Variants in KIF26B observed in about 807,000 individuals in gnomAD.
KIF26B encodes kinesin family member 26B.
Under a neutral mutation model 151.2 loss-of-function variants are expected in KIF26B, and 63 were observed. The ratio of observed to expected loss-of-function variants is 0.42; its 90% CI spans 0.34 to 0.51. The LOEUF (loss-of-function observed/expected upper bound fraction) is 0.51, where lower values mean the gene tolerates loss of function less well. Ranked by LOEUF, KIF26B falls within the 20% of genes least tolerant of loss-of-function variation. The pLI is 0.07. For missense variants in KIF26B, 2,813 were observed against 2,913.6 expected (o/e 0.97, Z 0.79); for synonymous variants, 1,357 against 1,262.1 (o/e 1.08, Z -1.59).
intron 2 of KIF26B, among the ~76,000 whole-genome samples, chr1:245,230,768 G>T (rs1669980371): frequency 6.7e-6 from 1 of 149,844 alleles, no homozygotes; most frequent in Admixed American, 6.7e-5. Flanking sequence ...AAGAAAGAAA[G>T]GAAAAAGAAA....
At chr1:245,587,161 C>T (rs1386014503) in intron 5 of KIF26B, among the ~76,000 whole-genome samples, 1 of 152,178 alleles carries the variant, frequency 6.6e-6, no homozygotes, top group African/African-American at 2.4e-5. Context: ...ACCTAGAGCG[C>T]ACAGCTGACA....
chr1:245,246,349 T>G (rs1366399971), intron 2 of KIF26B, among the ~76,000 whole-genome samples: 1 of 152,200 alleles, frequency 6.6e-6, no homozygotes, highest in East Asian at 1.9e-4. Flanking sequence ...GCTGTTGTCT[T>G]CATCATCCTC....
At chr1:245,376,152 T>C (rs770815395) in intron 3 of KIF26B, among the ~76,000 whole-genome samples, 2 of 152,206 alleles carry the variant, frequency 1.3e-5, no homozygotes, top group Non-Finnish European at 2.9e-5. Context: ...AGTTCATCTT[T>C]GCTAGAGGCC....
chr1:245,387,181 T>TTTA (rs1673571513), intron 3 of KIF26B, among the ~76,000 whole-genome samples: 6 of 151,176 alleles, frequency 4.0e-5, no homozygotes, highest in South Asian at 2.1e-4. Context: ...TTTTGTTTTT[T>TTTA]GAGATGGAGT....
intron 4 of KIF26B, among the ~76,000 whole-genome samples, chr1:245,469,940 G>C (rs976820716): frequency 6.6e-6 from 1 of 151,996 alleles, no homozygotes; most frequent in East Asian, 1.9e-4. Context: ...AGTGGTACTG[G>C]AAGGGAATTC....
chr1:245,337,876 C>T (rs1171652649), intron 2 of KIF26B, among the ~76,000 whole-genome samples: 1 of 152,194 alleles, frequency 6.6e-6, no homozygotes, highest in Non-Finnish European at 1.5e-5. Context: ...TCACCCTTCG[C>T]AGCCAGGTCT....
chr1:245,686,236 C>T lies in KIF26B; in HGVS notation c.3253C>T (p.Pro1085Ser). The T allele has an allele frequency of 3.1e-6, 5 of 1,612,808 alleles. No homozygotes were observed. Among genetic ancestry groups the T allele is most frequent in the Non-Finnish European group, 4.2e-6 (5 of 1,179,896 alleles). Residue 1085 changes from proline to serine, a missense_variant, in exon 12 of 15, where the codon CCT (proline) becomes TCT (serine). By Grantham distance (74) the Pro-to-Ser change is moderately conservative. Coordinates refer to ENST00000407071, the MANE Select transcript of KIF26B (RefSeq NM_018012.4). The surrounding 1 kb of genome is among the most constrained non-coding windows in gnomAD (Gnocchi z 5.6). ...KTSEYKPPSS[P>S]SQRCKVYTQK... ...CTCGGAGTACAAGCCACCCAGCTCT[C>T]CTTCCCAGAGATGCAAAGTCTACAC...
chr1:245,218,355 G>A lies in KIF26B; in HGVS notation c.465+61672G>A, dbSNP rs566893175. 6.8e-6 allele frequency among the ~76,000 whole-genome samples: 1 copy of A among 147,618 alleles called. No individual in the cohort carries two copies. Among genetic ancestry groups the A allele is most frequent in the Non-Finnish European group, 1.5e-5 (1 of 67,310 alleles). ...TAGCAGCAGTTGTCACTCTGAGGGA[G>A]GGAAGGGGAAGGGAGGGCTCAGGTG... is the stretch of plus-strand genomic sequence containing the variant. On this transcript the variant is annotated intron_variant, in intron 2 of 14. Coordinates refer to ENST00000407071, the MANE Select transcript of KIF26B (RefSeq NM_018012.4). The surrounding 1 kb of genome is among the most constrained non-coding windows in gnomAD (Gnocchi z 4.1).
chr1:245,351,833 C>T (rs985049806), intron 2 of KIF26B, among the ~76,000 whole-genome samples: 1 of 152,204 alleles, frequency 6.6e-6, no homozygotes, highest in African/African-American at 2.4e-5. Context: ...TTTTGTAATA[C>T]ACCATAAAGG....
At chr1:245,223,444 C>T (rs1269018518) in intron 2 of KIF26B, among the ~76,000 whole-genome samples, 2 of 152,208 alleles carry the variant, frequency 1.3e-5, no homozygotes, top group East Asian at 3.8e-4. Context: ...AACCCAGACT[C>T]CTGTCAGGAC....
At chr1:245,674,473 A>G (rs1421076151) in intron 10 of KIF26B, among the ~76,000 whole-genome samples, 1 of 152,222 alleles carries the variant, frequency 6.6e-6, no homozygotes, top group Non-Finnish European at 1.5e-5. Context: ...ACAGGGTCTT[A>G]TTACCGAATC....
rs1035763170 is a variant in KIF26B, at chr1:245,241,599, A to G, written c.465+84916A>G. On this transcript the variant is annotated intron_variant, in intron 2 of 14. Transcript: ENST00000407071. This position sits in a 1 kb window ranked among gnomAD's most constrained non-coding sequence, Gnocchi z 5.0. ...AAACCTGCCCTTTCCTTGCAGCCCA[A>G]TGGCCTCAGGAGACAGTGACTCACG... Among the ~76,000 whole-genome samples, 4 of 152,190 alleles carry G rather than the reference A, an allele frequency of 2.6e-5. No homozygotes were observed. Among genetic ancestry groups the G allele is most frequent in the African/African-American group, 4.8e-5 (2 of 41,442 alleles).
chr1:245,462,363 C>A (rs938508224), intron 4 of KIF26B, among the ~76,000 whole-genome samples: 1 of 152,132 alleles, frequency 6.6e-6, no homozygotes, highest in Non-Finnish European at 1.5e-5. Flanking sequence ...GTAGTGTTTG[C>A]CCCAGAGGAG....
At chr1:245,164,187 C>T (rs4658710) in intron 2 of KIF26B, among the ~76,000 whole-genome samples, 126,674 of 152,156 alleles carry the variant, frequency 0.83, 54,322 homozygotes, top group South Asian at 0.94. Flanking sequence ...AATGTCTTTT[C>T]AGTATTTAGA....
intron 4 of KIF26B, among the ~76,000 whole-genome samples, chr1:245,520,587 T>C (rs1391951609): frequency 2.5e-5 from 2 of 80,500 alleles, no homozygotes; most frequent in African/African-American, 3.4e-5. Context: ...CATCCATCCA[T>C]CCATCCATCC....
At chr1:245,204,377 T>TC (rs1202714073) in intron 2 of KIF26B, among the ~76,000 whole-genome samples, 59 of 101,530 alleles carry the variant, frequency 5.8e-4, no homozygotes, top group Non-Finnish European at 9.9e-4. Context: ...GTAAGATCTC[T>TC]CTTTTTTTTT....
At chr1:245,477,826 G>A (rs1048662893) in intron 4 of KIF26B, among the ~76,000 whole-genome samples, 1 of 151,810 alleles carries the variant, frequency 6.6e-6, no homozygotes, top group Non-Finnish European at 1.5e-5. Flanking sequence ...GGAGGCCATT[G>A]TAAGTACTTG....
intron 4 of KIF26B, among the ~76,000 whole-genome samples, chr1:245,440,546 A>G (rs1659053980): frequency 6.6e-6 from 1 of 152,130 alleles, no homozygotes; most frequent in Non-Finnish European, 1.5e-5. Context: ...GCTGCTTGCA[A>G]GCTATTAGAC....
At chr1:245,510,577 TC>T (rs1660810720) in intron 4 of KIF26B, among the ~76,000 whole-genome samples, 1 of 518 alleles carries the variant, frequency 1.9e-3, no homozygotes, top group African/African-American at 2.8e-3. Context: ...TAGCAGAGCT[TC>T]TCTCTCTCTC....
Sources: gnomAD v4.1 joint callset for allele counts (sites outside exome capture counted in the v4.1 genomes callset) on GRCh38, gnomAD v4.1.1 for gene constraint, Gnocchi (gnomAD v3.1) non-coding constraint, MANE v1.5 for transcripts, NCBI Gene and HGNC (gene_info 2026-07-23, HGNC 2026-07-21) for gene names.